Variants in ROBO2 observed in about 807,000 individuals in gnomAD.
ROBO2 encodes the protein roundabout homolog 2.
ROBO2 carries 53 observed loss-of-function variants against 160.8 expected under a neutral mutation model. The ratio of observed to expected loss-of-function variants is 0.33; its 90% CI spans 0.26 to 0.41. The LOEUF (loss-of-function observed/expected upper bound fraction) is 0.41. Ranked by LOEUF, ROBO2 falls within the 10% of genes least tolerant of loss-of-function variation. The probability of loss-of-function intolerance (pLI) is 1.00; values close to 1 mark genes in which losing one functional copy is unlikely to be tolerated. For missense variants in ROBO2, 1,577 were observed against 1,722.4 expected, an observed-to-expected ratio of 0.92 and a Z score of 1.49; for synonymous variants, 664 against 611.7, an observed-to-expected ratio of 1.09 and a Z score of -1.26.
At chr3:76,452,260 C>T (rs916466136) in intron 2 of ROBO2, among the ~76,000 whole-genome samples, 6 of 151,918 alleles carry the variant, frequency 3.9e-5, no homozygotes, top group Non-Finnish European at 5.9e-5. Context: ...ATGTGCCATG[C>T]TGGTGTGCTG....
At chr3:76,470,487 G>A (rs2078597031) in intron 2 of ROBO2, among the ~76,000 whole-genome samples, 1 of 152,042 alleles carries the variant, frequency 6.6e-6, no homozygotes, top group South Asian at 2.1e-4. Flanking sequence ...GTGGCTGGGA[G>A]CTTAGCTTAA....
intron 2 of ROBO2, among the ~76,000 whole-genome samples, chr3:76,314,379 G>C (rs1035382728): frequency 6.6e-6 from 1 of 152,008 alleles, no homozygotes; most frequent in Non-Finnish European, 1.5e-5. Flanking sequence ...TAACTCTACA[G>C]AAAAGTTTAC....
At chr3:77,304,443 C>T (rs1277415733) in intron 2 of ROBO2, among the ~76,000 whole-genome samples, 1 of 152,132 alleles carries the variant, frequency 6.6e-6, no homozygotes, top group African/African-American at 2.4e-5. Context: ...CAGTCGGCCA[C>T]ATGAAGTGAG....
At chr3:77,458,006 A>G (rs1237155894) in intron 2 of ROBO2, among the ~76,000 whole-genome samples, 1 of 152,178 alleles carries the variant, frequency 6.6e-6, no homozygotes, top group Non-Finnish European at 1.5e-5. Flanking sequence ...AACCATGATA[A>G]TGAATGAACC....
chr3:77,273,675 A>AC (rs1325726433), intron 2 of ROBO2, among the ~76,000 whole-genome samples: 1 of 151,494 alleles, frequency 6.6e-6, no homozygotes, highest in Non-Finnish European at 1.5e-5. Flanking sequence ...TAAATAAAAG[A>AC]AGACAGACTC....
At chr3:76,061,385 G>A (rs1291274644) in intron 2 of ROBO2, among the ~76,000 whole-genome samples, 2 of 151,972 alleles carry the variant, frequency 1.3e-5, no homozygotes, top group Non-Finnish European at 2.9e-5. Context: ...ATTCAGATTG[G>A]GATTTTCTTT....
rs1491218098 is a variant in ROBO2, at chr3:76,603,333, A to AAAAAAG, written c.110-494676_110-494675insGAAAAA. Among the ~76,000 whole-genome samples the AAAAAAG allele has an allele frequency of 3.2e-5, 2 of 62,420 alleles. 1 individual carries two copies. The highest frequency in any genetic ancestry group is 1.7e-4 in the African/African-American group (2 of 11,628). The allele number at this position is 62,420 out of a possible 152,430, so 40.9% of individuals were successfully genotyped here. A position where few individuals can be genotyped will look rare whatever the true frequency, so the allele number is the denominator to read the frequency against. Reference sequence around the variant, plus strand: ...GGTGACAGAGCGAGACTCCATCTCCAAAAAAAAAAAAAAAAAAAATATATA... The same window carrying AAAAAAG: ...GGTGACAGAGCGAGACTCCATCTCCAAAAAAGAAAAAAAAAAAAAAAAAAATATATA... On this transcript the variant is annotated intron_variant, in intron 2 of 26. Transcript: ENST00000487694.
chr3:76,378,727 C>T (rs1212884990), intron 2 of ROBO2, among the ~76,000 whole-genome samples: 2 of 152,158 alleles, frequency 1.3e-5, no homozygotes, highest in Non-Finnish European at 2.9e-5. Flanking sequence ...GTTCAATCTT[C>T]AGCTGGTTCC....
chr3:76,718,713 G>T (rs2093420451), intron 2 of ROBO2, among the ~76,000 whole-genome samples: 2 of 152,154 alleles, frequency 1.3e-5, no homozygotes, highest in African/African-American at 4.8e-5. Flanking sequence ...TGTGAGCAAT[G>T]CTATTTTACA....
chr3:76,139,666 A>G (rs2071557839), intron 2 of ROBO2, among the ~76,000 whole-genome samples: 1 of 152,062 alleles, frequency 6.6e-6, no homozygotes, highest in African/African-American at 2.4e-5. Context: ...AGCTCCTGTG[A>G]AGTAAAAAGC....
intron 2 of ROBO2, among the ~76,000 whole-genome samples, chr3:77,292,014 A>T (rs542669956): frequency 2.0e-4 from 31 of 151,814 alleles, no homozygotes; most frequent in African/African-American, 7.5e-4. Context: ...CTGAGGCTAG[A>T]TCACCCCAGA....
chr3:76,259,137 T>TTTTTG (rs1008732533), intron 2 of ROBO2, among the ~76,000 whole-genome samples: 2 of 152,194 alleles, frequency 1.3e-5, no homozygotes, highest in South Asian at 4.1e-4. Flanking sequence ...CTGCTGGTGT[T>TTTTTG]TTTTGTTTTG....
intron 2 of ROBO2, among the ~76,000 whole-genome samples, chr3:77,416,492 G>T (rs1202920352): frequency 1.3e-5 from 2 of 152,064 alleles, no homozygotes. Context: ...ACTGAAGCGG[G>T]TGGATCACAG....
intron 1 of ROBO2, among the ~76,000 whole-genome samples, chr3:75,921,464 G>A (rs78068088): frequency 6.6e-6 from 1 of 151,940 alleles, no homozygotes; most frequent in Non-Finnish European, 1.5e-5. Flanking sequence ...TTGATCTTTC[G>A]TGTTCTGCAT....
intron 2 of ROBO2, among the ~76,000 whole-genome samples, chr3:76,060,485 C>A (rs1481983767): frequency 6.6e-6 from 1 of 152,190 alleles, no homozygotes; most frequent in Non-Finnish European, 1.5e-5. Context: ...TTTTAATCAG[C>A]ACAGGAAATT....
chr3:77,083,925 A>G (rs1021750573), intron 1 of ROBO2, among the ~76,000 whole-genome samples: 1 of 152,024 alleles, frequency 6.6e-6, no homozygotes, highest in Admixed American at 6.6e-5. Flanking sequence ...CTAAACCCAC[A>G]TTTGGCTGTT....
intron 2 of ROBO2, among the ~76,000 whole-genome samples, chr3:77,401,210 T>C (rs190753986): frequency 0.025 from 3,752 of 151,972 alleles, 155 homozygotes; most frequent in African/African-American, 0.084. Flanking sequence ...ACTATGAGCT[T>C]ACATTTTATT....
At chr3:77,123,592 T>G (rs2074993968) in intron 2 of ROBO2, among the ~76,000 whole-genome samples, 1 of 151,882 alleles carries the variant, frequency 6.6e-6, no homozygotes, top group Admixed American at 6.6e-5. Flanking sequence ...CACACTAATT[T>G]GAAAAATTAG....
At chr3:77,572,371 G>A (rs1278046615) in intron 13 of ROBO2, among the ~76,000 whole-genome samples, 1 of 151,954 alleles carries the variant, frequency 6.6e-6, no homozygotes, top group Middle Eastern at 3.4e-3. Context: ...TCGCCTCTTG[G>A]TTGCCTTATT....
Sources: allele counts gnomAD v4.1 joint callset (sites outside exome capture counted in the v4.1 genomes callset), GRCh38; gene constraint gnomAD v4.1.1; transcripts MANE v1.5; gene names NCBI Gene and HGNC (gene_info 2026-07-23, HGNC 2026-07-21).